EPHA5: variants seen among roughly 807,000 people sequenced by gnomAD.
The protein encoded by EPHA5 is ephrin type-A receptor 5.
Under a neutral mutation model 105.0 loss-of-function variants are expected in EPHA5, and 60 were observed. The observed-to-expected ratio is 0.57, with a 90% confidence interval of 0.46 to 0.71. The LOEUF is 0.71. EPHA5 is among the 30% of genes least tolerant of loss of function. The pLI is 0.00. For missense variants in EPHA5, 1,218 were observed against 1,274.7 expected, an observed-to-expected ratio of 0.96 and a Z score of 0.68; for synonymous variants, 513 against 449.1, an observed-to-expected ratio of 1.14 and a Z score of -1.80.
chr4:65,378,292 AG>A (rs1231109978), intron 8 of EPHA5, among the ~76,000 whole-genome samples: 2 of 151,966 alleles, frequency 1.3e-5, no homozygotes, highest in Non-Finnish European at 2.9e-5. Context: ...TATATTTTAA[AG>A]AATATGCCAA....
At chr4:65,661,222 T>G (rs1056469547) in intron 1 of EPHA5, among the ~76,000 whole-genome samples, 2 of 152,194 alleles carry the variant, frequency 1.3e-5, no homozygotes, top group Non-Finnish European at 2.9e-5. Context: ...ATGTTTGTTT[T>G]TTAATTCAAA....
Position 65,323,995 on chromosome 4 carries a change from GT to G in EPHA5, c.*118del. On this transcript the variant is annotated 3_prime_UTR_variant, in exon 17 of 17. Transcript: ENST00000613740. ...TACAAATTCTGTGGCTGAGGCAAAT[GT>G]TTTCTAAGGTTTAGAAATCACTGTT... 1.5e-6 allele frequency: 1 copy of G among 646,182 alleles called. No individual in the cohort carries two copies. Among genetic ancestry groups the G allele is most frequent in the Non-Finnish European group, 2.6e-6 (1 of 380,924 alleles). 40.0% of individuals were successfully genotyped at this position (646,182 alleles called of 1,614,324 possible).
At chr4:65,530,296 T>C (rs1735643166) in intron 3 of EPHA5, among the ~76,000 whole-genome samples, 1 of 152,282 alleles carries the variant, frequency 6.6e-6, no homozygotes, top group Middle Eastern at 3.4e-3. Flanking sequence ...GCTGTTACTA[T>C]GAGCAGTTGA....
At chr4:65,384,866 C>G (rs767440084) in intron 8 of EPHA5, among the ~76,000 whole-genome samples, 5 of 151,656 alleles carry the variant, frequency 3.3e-5, no homozygotes, top group Non-Finnish European at 7.4e-5. Flanking sequence ...CAGAACGATG[C>G]CTACACTGAG....
chr4:65,320,444 T>C lies in EPHA5; in HGVS notation c.*3670A>G, dbSNP rs914555650. ...AAGACAGTTTACTATCACACTTCTT[T>C]TTTTTCTTATTTTTAGGAAAAACAA... On this transcript the variant is annotated 3_prime_UTR_variant, in exon 17 of 17. Coordinates refer to ENST00000613740, the MANE Select transcript of EPHA5 (RefSeq NM_001281766.3). 4.4e-6 allele frequency: 1 copy of C among 229,526 alleles called. No individual in the cohort carries two copies. Among genetic ancestry groups the C allele is most frequent in the Non-Finnish European group, 8.6e-6 (1 of 115,666 alleles). The allele number at this position is 229,526 out of a possible 1,614,324, so 14.2% of individuals were successfully genotyped here. A position where few individuals can be genotyped will look rare whatever the true frequency, so the allele number is the denominator to read the frequency against.
chr4:65,609,270 T>C (rs772066013), intron 2 of EPHA5, among the ~76,000 whole-genome samples: 1 of 152,224 alleles, frequency 6.6e-6, no homozygotes, highest in Non-Finnish European at 1.5e-5. Context: ...AAAACCTTGT[T>C]ATATTTCCTC....
chr4:65,426,373 A>G (rs1020372625), intron 5 of EPHA5, among the ~76,000 whole-genome samples: 3 of 152,138 alleles, frequency 2.0e-5, no homozygotes, highest in African/African-American at 7.2e-5. Context: ...ACTTTATTCA[A>G]GTCTTTAAAA....
chr4:65,404,230 C>T (rs1722133420), intron 8 of EPHA5, 144 bp downstream of exon 8: 8 of 629,396 alleles, frequency 1.3e-5, no homozygotes, highest in Non-Finnish European at 2.2e-5. Context: ...AGATAAGGCT[C>T]AGGAATTGCA....
chr4:65,366,064 A>G lies in EPHA5; in HGVS notation c.1862-7T>C. 1.3e-6 allele frequency: 2 copies of G among 1,591,428 alleles called. No homozygotes were observed. Among genetic ancestry groups the G allele is most frequent in the South Asian group, 1.1e-5 (1 of 89,122 alleles). On this transcript the variant is annotated splice_region_variant and splice_polypyrimidine_tract_variant and intron_variant, in intron 9 of 16. Coordinates refer to ENST00000613740, the MANE Select transcript of EPHA5 (RefSeq NM_001281766.3). ...CTTACTCCTGGCAGTTTAACTGTAAATATAAATTGGCATTAAAACAGAAGT... is the reference window on the plus strand; with the variant it reads ...CTTACTCCTGGCAGTTTAACTGTAAGTATAAATTGGCATTAAAACAGAAGT...
At chr4:65,396,631 A>G (rs1368935476) in intron 8 of EPHA5, among the ~76,000 whole-genome samples, 1 of 152,184 alleles carries the variant, frequency 6.6e-6, no homozygotes, top group Non-Finnish European at 1.5e-5. Flanking sequence ...AAGGGTTACG[A>G]AGGACTAGGA....
At chr4:65,419,481 G>A (rs1378197936) in intron 6 of EPHA5, among the ~76,000 whole-genome samples, 1 of 152,142 alleles carries the variant, frequency 6.6e-6, no homozygotes, top group African/African-American at 2.4e-5. Flanking sequence ...GGATCTGCAT[G>A]TCTGCATTTT....
At chr4:65,653,638 C>G (rs913970519) in intron 1 of EPHA5, among the ~76,000 whole-genome samples, 7 of 151,912 alleles carry the variant, frequency 4.6e-5, no homozygotes, top group Non-Finnish European at 8.8e-5. Context: ...TCACTTTTGT[C>G]TAGTTAGCCT....
chr4:65,539,045 T>C (rs1445464043), intron 3 of EPHA5, among the ~76,000 whole-genome samples: 27 of 151,696 alleles, frequency 1.8e-4, no homozygotes. Flanking sequence ...ATGTTCTCCT[T>C]GTTACAGAGA....
chr4:65,421,765 G>A (rs1002849770), intron 5 of EPHA5, among the ~76,000 whole-genome samples: 1 of 152,070 alleles, frequency 6.6e-6, no homozygotes, highest in African/African-American at 2.4e-5. Flanking sequence ...TTAGTTCACT[G>A]CTACATTTCT....
chr4:65,444,453 T>A (rs547618725), intron 5 of EPHA5, among the ~76,000 whole-genome samples: 2 of 152,192 alleles, frequency 1.3e-5, no homozygotes, highest in South Asian at 2.1e-4. Context: ...ATTTATTGAA[T>A]GTTACTATGC....
At chr4:65,545,805 A>C (rs532683212) in intron 3 of EPHA5, among the ~76,000 whole-genome samples, 6 of 152,052 alleles carry the variant, frequency 3.9e-5, no homozygotes, top group African/African-American at 1.4e-4. Flanking sequence ...AGAACAACTT[A>C]TAAGGTCTGG....
chr4:65,379,997 A>G (rs1170245740), intron 8 of EPHA5, among the ~76,000 whole-genome samples: 2 of 151,804 alleles, frequency 1.3e-5, no homozygotes, highest in African/African-American at 4.8e-5. Flanking sequence ...TTGACATCAG[A>G]TGGTATAAAA....
At chr4:65,381,807 G>T (rs183450244) in intron 8 of EPHA5, among the ~76,000 whole-genome samples, 1 of 151,682 alleles carries the variant, frequency 6.6e-6, no homozygotes, top group Non-Finnish European at 1.5e-5. Context: ...TATCAAACAG[G>T]TTTGAGGGAA....
chr4:65,548,916 G>A (rs1259796610), intron 3 of EPHA5, among the ~76,000 whole-genome samples: 1 of 152,148 alleles, frequency 6.6e-6, no homozygotes, highest in African/African-American at 2.4e-5. Context: ...TTGGACAAAT[G>A]TTAATTGTCT....
Sources: allele counts gnomAD v4.1 joint callset (sites outside exome capture counted in the v4.1 genomes callset), GRCh38; gene constraint gnomAD v4.1.1; transcripts MANE v1.5; gene names NCBI Gene and HGNC (gene_info 2026-07-23, HGNC 2026-07-21).